ANXA13: variants seen among roughly 807,000 people sequenced by gnomAD.
The protein encoded by ANXA13 is annexin A13.
A neutral mutation model predicts 46.6 loss-of-function variants in ANXA13; 36 were observed. The ratio of observed to expected loss-of-function variants is 0.77; its 90% CI spans 0.59 to 1.02. The LOEUF (loss-of-function observed/expected upper bound fraction) is 1.02, where lower values mean the gene tolerates loss of function less well. ANXA13 is among the 50% of genes least tolerant of loss of function. The pLI is 0.00. For synonymous variants in ANXA13, 163 were observed against 152.9 expected (o/e 1.07, Z -0.49); for missense variants, 417 against 396.5 (o/e 1.05, Z -0.44).
Position 123,698,518 on chromosome 8 carries a change from G to A in ANXA13, c.228C>T (p.Phe76=), listed in dbSNP as rs747755549. 4.8e-5 allele frequency: 77 copies of A among 1,614,074 alleles called. No homozygotes were observed. The highest frequency in any genetic ancestry group is 1.8e-4 in the Admixed American group (11 of 60,004). ...CCAGAAGGGCCAACGCTGTCTTCTC[G>A]AAGTTTCCACTCAGCTCACTCTTGA... is the stretch of plus-strand genomic sequence containing the variant. ...EVLKSELSGN[F]EKTALALLDR... is the part of the protein sequence containing the mutation. Residue 76 remains phenylalanine, a synonymous_variant, in exon 4 of 11, where the codon TTC becomes TTT. Coordinates refer to ENST00000419625, the MANE Select transcript of ANXA13 (RefSeq NM_004306.4).
intron 1 of ANXA13, among the ~76,000 whole-genome samples, chr8:123,720,360 G>A (rs79008147): frequency 0.11 from 16,081 of 152,196 alleles, 1,045 homozygotes; most frequent in Admixed American, 0.16. Context: ...GGGTGTGCTG[G>A]AGAGAGCCTC....
intron 2 of ANXA13, chr8:123,711,831 T>C (rs146513106): frequency 0.14 from 21,364 of 152,272 alleles, 1,666 homozygotes; most frequent in Admixed American, 0.18. Flanking sequence ...GCCAGGATGG[T>C]TTCCATCTCT....
intron 8 of ANXA13, among the ~76,000 whole-genome samples, chr8:123,689,530 G>A (rs532468210): frequency 4.8e-4 from 73 of 152,240 alleles, no homozygotes; most frequent in Non-Finnish European, 9.4e-4. Context: ...AGGGCTGGGA[G>A]CCGGGGGTGC....
intron 5 of ANXA13, 52 bp from the exon 6 acceptor site, chr8:123,695,633 G>A (rs1221236875): frequency 3.7e-6 from 6 of 1,610,318 alleles, no homozygotes; most frequent in Non-Finnish European, 5.1e-6. Context: ...TAGTTTCCCA[G>A]AGGTATTTTG....
At chr8:123,729,268 A>T (rs1056679278) in intron 1 of ANXA13, 2 of 152,142 alleles carry the variant, frequency 1.3e-5, no homozygotes, top group Admixed American at 6.5e-5. Context: ...CCTCCCTCTC[A>T]CCAGCCCCTT....
intron 1 of ANXA13, among the ~76,000 whole-genome samples, chr8:123,735,079 A>C (rs559840009): frequency 6.6e-6 from 1 of 151,348 alleles, no homozygotes; most frequent in East Asian, 2.0e-4. Flanking sequence ...GATTCAGAAA[A>C]CAAACCAAAC....
intron 1 of ANXA13, among the ~76,000 whole-genome samples, chr8:123,714,832 T>C (rs1586331249): frequency 6.6e-6 from 1 of 152,214 alleles, no homozygotes; most frequent in Admixed American, 6.5e-5. Context: ...TTCTTCATTA[T>C]GCATAGGGAA....
At chr8:123,702,265 G>A (rs1030228469) in intron 3 of ANXA13, among the ~76,000 whole-genome samples, 38 of 152,000 alleles carry the variant, frequency 2.5e-4, no homozygotes, top group Non-Finnish European at 1.0e-4. Flanking sequence ...AGTTTTTTTG[G>A]TAGTTTTCTG....
intron 4 of ANXA13, among the ~76,000 whole-genome samples, chr8:123,697,474 AAAGG>A (rs1813363160): frequency 6.6e-6 from 1 of 152,194 alleles, no homozygotes; most frequent in African/African-American, 2.4e-5. Flanking sequence ...ATGCTCCAGA[AAAGG>A]TTTGCACCTG....
intron 8 of ANXA13, among the ~76,000 whole-genome samples, chr8:123,691,716 C>G (rs146011219): frequency 9.0e-4 from 137 of 152,342 alleles, no homozygotes; most frequent in African/African-American, 3.2e-3. Context: ...AACACCTGCT[C>G]TAACACAGAT....
At chr8:123,699,096 G>A (rs971833811) in intron 3 of ANXA13, among the ~76,000 whole-genome samples, 11 of 152,196 alleles carry the variant, frequency 7.2e-5, no homozygotes, top group African/African-American at 2.2e-4. Context: ...CGTCACTTCC[G>A]TTATCTCGCT....
At chr8:123,709,367 C>T (rs1813610482) in intron 2 of ANXA13, among the ~76,000 whole-genome samples, 1 of 151,810 alleles carries the variant, frequency 6.6e-6, no homozygotes, top group East Asian at 1.9e-4. Context: ...TCCTCCTTCT[C>T]TTCTTTCTCT....
chr8:123,714,059 T>C (rs1244889680), intron 1 of ANXA13, among the ~76,000 whole-genome samples: 1 of 152,142 alleles, frequency 6.6e-6, no homozygotes, highest in East Asian at 1.9e-4. Flanking sequence ...GCACCGCAGT[T>C]CAACTCTCCC....
chr8:123,713,743 G>A (rs1462324270), intron 1 of ANXA13, among the ~76,000 whole-genome samples: 2 of 152,116 alleles, frequency 1.3e-5, no homozygotes, highest in Non-Finnish European at 2.9e-5. Context: ...AACCAGGCTG[G>A]AGTGAAGTGG....
intron 8 of ANXA13, among the ~76,000 whole-genome samples, 187 bp downstream of exon 8, chr8:123,693,010 C>A (rs184628083): frequency 7.3e-4 from 111 of 152,262 alleles, no homozygotes; most frequent in African/African-American, 2.6e-3. Flanking sequence ...GGCCACCACC[C>A]CCAGCTGTGA....
intron 8 of ANXA13, among the ~76,000 whole-genome samples, chr8:123,689,221 G>T (rs1041316624): frequency 8.7e-5 from 13 of 149,444 alleles, no homozygotes; most frequent in African/African-American, 3.2e-4. Flanking sequence ...TGTAAAATTT[G>T]GGAGTGGAGA....
Position 123,681,375 on chromosome 8 carries a change from C to T in ANXA13, c.832-16G>A, listed in dbSNP as rs374770249. 2 of 1,611,082 alleles carry T rather than the reference C, an allele frequency of 1.2e-6. No homozygotes were observed. The highest frequency in any genetic ancestry group is 8.5e-7 in the Non-Finnish European group (1 of 1,178,424). ...GAAGGTCCACCTGTAGAAAAAATAA[C>T]AGCAATGGAGATAAGAACGTTTATG... On this transcript the variant is annotated splice_polypyrimidine_tract_variant and intron_variant, in intron 10 of 10. Coordinates refer to ENST00000419625, the MANE Select transcript of ANXA13 (RefSeq NM_004306.4).
At chr8:123,683,370 G>A (rs1385077550) in intron 10 of ANXA13, among the ~76,000 whole-genome samples, 2 of 151,086 alleles carry the variant, frequency 1.3e-5, no homozygotes, top group African/African-American at 2.4e-5. Context: ...AGAAGCCATG[G>A]ATCAGAATTT....
At position 123,692,851 on chromosome 8, in the gene ANXA13, A is replaced by G. The variant is rs575675052; in HGVS notation, c.642+346T>C. On this transcript the variant is annotated intron_variant, in intron 8 of 10. Coordinates refer to ENST00000419625, the MANE Select transcript of ANXA13 (RefSeq NM_004306.4). ...CTTGGACTCTAGAGCTTCTCCCCTG[A>G]ATGGGACACTTGCTTCCCTGGCGTC... Among the ~76,000 whole-genome samples the G allele has an allele frequency of 5.3e-5, 8 of 152,052 alleles. No homozygotes were observed. In the South Asian group the frequency reaches 1.7e-3, roughly 32 times the overall value.
Sources: gnomAD v4.1 joint callset for allele counts (sites outside exome capture counted in the v4.1 genomes callset) on GRCh38, gnomAD v4.1.1 for gene constraint, MANE v1.5 for transcripts, NCBI Gene and HGNC (gene_info 2026-07-23, HGNC 2026-07-21) for gene names.